The following SLC1A2 variants were observed in gnomAD, a reference collection of about 807,000 sequenced individuals.
SLC1A2 encodes the protein excitatory amino acid transporter 2.
A neutral mutation model predicts 48.8 loss-of-function variants in SLC1A2; 15 were observed. The observed-to-expected ratio is 0.31, with a 90% CI of 0.21 to 0.47. SLC1A2 has a LOEUF of 0.47. Among genes scored for constraint, SLC1A2 ranks in the 20% least tolerant of loss-of-function variants. The pLI, the probability that SLC1A2 is intolerant of heterozygous loss-of-function variation, is 0.99. For synonymous variants in SLC1A2, 279 were observed against 272.6 expected (o/e 1.02, Z -0.23); for missense variants, 502 against 730.5 (o/e 0.69, Z 3.61).
intron 1 of SLC1A2, among the ~76,000 whole-genome samples, chr11:35,339,058 A>G (rs1163656947): frequency 6.6e-6 from 1 of 152,188 alleles, no homozygotes; most frequent in Non-Finnish European, 1.5e-5. Flanking sequence ...TCTACTTATG[A>G]CTGTCCCATG....
chr11:35,292,210 AG>A (rs1284175264), intron 7 of SLC1A2, 76 bp downstream of exon 7: 3 of 983,502 alleles, frequency 3.1e-6, no homozygotes, highest in Non-Finnish European at 4.7e-6. Context: ...TTGTGATGGG[AG>A]GGTTTTGAGA....
rs563358671 is a variant in SLC1A2, at chr11:35,340,038, C to A, written c.18-22522G>T. Among the ~76,000 whole-genome samples, 5 of 152,364 alleles carry A rather than the reference C, an allele frequency of 3.3e-5. No homozygotes were observed. In the South Asian group the frequency reaches 6.2e-4, roughly 19 times the overall value. On this transcript the variant is annotated intron_variant, in intron 1 of 10. Coordinates refer to ENST00000278379, the MANE Select transcript of SLC1A2 (RefSeq NM_004171.4). ...TTAAATGACCAAAACCCCATTTCCT[C>A]AGGCTTTCTTGTTAAGCTTTTTTCC... is the stretch of plus-strand genomic sequence containing the variant.
At chr11:35,271,322 T>C (rs1217808978) in intron 9 of SLC1A2, among the ~76,000 whole-genome samples, 2 of 152,180 alleles carry the variant, frequency 1.3e-5, no homozygotes, top group East Asian at 3.8e-4. Flanking sequence ...ATGCAGGTGA[T>C]AATAGGACTC....
At chr11:35,376,708 T>C (rs1015121914) in intron 1 of SLC1A2, among the ~76,000 whole-genome samples, 2 of 152,214 alleles carry the variant, frequency 1.3e-5, no homozygotes, top group Admixed American at 1.3e-4. Context: ...CAATTGTGAA[T>C]AATAATTTTT....
At chr11:35,362,919 G>T (rs998747930) in intron 1 of SLC1A2, among the ~76,000 whole-genome samples, 1 of 152,192 alleles carries the variant, frequency 6.6e-6, no homozygotes, top group Non-Finnish European at 1.5e-5. Context: ...GACTTACTAT[G>T]TGCCAGCCAC....
intron 1 of SLC1A2, among the ~76,000 whole-genome samples, chr11:35,381,694 G>C (rs368706154): frequency 6.6e-6 from 1 of 152,138 alleles, no homozygotes; most frequent in Non-Finnish European, 1.5e-5. Context: ...CCCCCTCAGC[G>C]AGGCCCCCAA....
At chr11:35,331,400 C>T (rs1383537484) in intron 1 of SLC1A2, among the ~76,000 whole-genome samples, 1 of 152,220 alleles carries the variant, frequency 6.6e-6, no homozygotes, top group Admixed American at 6.5e-5. Flanking sequence ...GTGAACTAAA[C>T]ATCCAGTCCC....
intron 3 of SLC1A2, among the ~76,000 whole-genome samples, chr11:35,314,329 C>A (rs1204929154): frequency 6.6e-6 from 1 of 152,166 alleles, no homozygotes; most frequent in Admixed American, 6.5e-5. Flanking sequence ...TCCCTCAATT[C>A]CCAATTAAAA....
intron 5 of SLC1A2, among the ~76,000 whole-genome samples, chr11:35,302,247 C>T (rs759937956): frequency 4.6e-5 from 7 of 151,878 alleles, no homozygotes; most frequent in Admixed American, 2.6e-4. Context: ...ATAAGGAATC[C>T]GAAATTCCAT....
intron 4 of SLC1A2, among the ~76,000 whole-genome samples, chr11:35,306,739 C>T (rs1008057513): frequency 3.9e-5 from 6 of 152,128 alleles, no homozygotes; most frequent in African/African-American, 1.4e-4. Context: ...ACTATTTTTC[C>T]ATGTGTTCAA....
Position 35,311,932 on chromosome 11 carries a change from GGGGGT to G in SLC1A2, c.561+261_561+265del, listed in dbSNP as rs1238951826. Among the ~76,000 whole-genome samples, 13 of 25,214 alleles carry G rather than the reference GGGGGT, an allele frequency of 5.2e-4. 2 individuals carry two copies. Among genetic ancestry groups the G allele is most frequent in the East Asian group, 2.5e-3 (2 of 798 alleles). 16.5% of individuals were successfully genotyped at this position (25,214 alleles called of 152,430 possible). ...AGAGAGAGAGAGAGAGGCGGGGGGG[GGGGGT>G]GGGGGAGAAAGGAGGACAATCCCAC... On this transcript the variant is annotated intron_variant, in intron 4 of 10. Transcript: ENST00000278379.
At position 35,280,833 on chromosome 11, in the gene SLC1A2, C is replaced by T. The variant is rs765374424; in HGVS notation, c.1421+34G>A. ...GTGCATCCCTAGGAGGCAGTACTCA[C>T]AGTCCCAGCAGAACCCCATCCACAG... On this transcript the variant is annotated intron_variant, in intron 9 of 10. Coordinates refer to ENST00000278379, the MANE Select transcript of SLC1A2 (RefSeq NM_004171.4). The T allele has an allele frequency of 7.3e-6, 11 of 1,506,942 alleles. No homozygotes were observed. The South Asian group carries it at 1.1e-4, about 15-fold the overall frequency. The allele number at this position is 1,506,942 out of a possible 1,614,324, so 93.3% of individuals were successfully genotyped here. A position where few individuals can be genotyped will look rare whatever the true frequency, so the allele number is the denominator to read the frequency against.
intron 1 of SLC1A2, among the ~76,000 whole-genome samples, chr11:35,319,600 T>C (rs147443246): frequency 7.2e-5 from 11 of 152,302 alleles, no homozygotes; most frequent in African/African-American, 2.6e-4. Flanking sequence ...ATCCATATGA[T>C]GTAATGGAAG....
chr11:35,325,010 G>A (rs1852193976), intron 1 of SLC1A2, among the ~76,000 whole-genome samples: 1 of 152,140 alleles, frequency 6.6e-6, no homozygotes, highest in South Asian at 2.1e-4. Flanking sequence ...GTCCCCAAAG[G>A]CCTGTCAATT....
chr11:35,358,788 A>G (rs1853577041), intron 1 of SLC1A2, among the ~76,000 whole-genome samples: 1 of 152,204 alleles, frequency 6.6e-6, no homozygotes, highest in African/African-American at 2.4e-5. Context: ...AGAATAAATA[A>G]GTACTAGCCA....
At chr11:35,262,182 T>C (rs1425174444) in intron 10 of SLC1A2, among the ~76,000 whole-genome samples, 1 of 152,254 alleles carries the variant, frequency 6.6e-6, no homozygotes, top group African/African-American at 2.4e-5. Context: ...ACAGACTGTC[T>C]GCCCAGAGAA....
chr11:35,265,687 T>A lies in SLC1A2; in HGVS notation c.1493A>T (p.Lys498Met). Residue 498 changes from lysine (K) to methionine (M), a missense_variant, in exon 10 of 11, where the codon AAG (lysine) becomes ATG (methionine). By Grantham distance (95) the Lys-to-Met change is moderately conservative. Transcript: ENST00000278379. ...FGAGIVYHLS[K>M]SELDTIDSQH... ...GGAGTCAATGGTATCCAGCTCAGAC[T>A]TGGAGAGGTGATAGACTATCCCAGC... The A allele has an allele frequency of 6.2e-7, 1 of 1,614,078 alleles. No homozygotes were observed. The highest frequency in any genetic ancestry group is 1.1e-5 in the South Asian group (1 of 91,082).
rs116201805 is a variant in SLC1A2 at position 35,381,598 on chromosome 11, C to A, written c.17+37352G>T. On this transcript the variant is annotated intron_variant, in intron 1 of 10. Coordinates refer to ENST00000278379, the MANE Select transcript of SLC1A2 (RefSeq NM_004171.4). ...AGCCCGAAAAATCTTCAATAGCTGT[C>A]AATTTTTAAAAACATCAGAGGGACA... Among the ~76,000 whole-genome samples the A allele has an allele frequency of 6.1e-3, 934 of 151,996 alleles. 11 individuals are homozygous for A. Among genetic ancestry groups the A allele is most frequent in the African/African-American group, 0.021 (883 of 41,428 alleles).
intron 9 of SLC1A2, among the ~76,000 whole-genome samples, chr11:35,268,524 G>T (rs1262459236): frequency 6.6e-6 from 1 of 152,018 alleles, no homozygotes; most frequent in Non-Finnish European, 1.5e-5. Flanking sequence ...AATTAGCCGG[G>T]CATGGTGGTG....
Sources: allele counts gnomAD v4.1 joint callset (sites outside exome capture counted in the v4.1 genomes callset), GRCh38; gene constraint gnomAD v4.1.1; transcripts MANE v1.5; gene names NCBI Gene and HGNC (gene_info 2026-07-23, HGNC 2026-07-21).